The following USP24 variants were observed in gnomAD, a reference collection of about 807,000 sequenced individuals.
USP24 encodes ubiquitin carboxyl-terminal hydrolase 24.
Under a neutral mutation model 361.6 loss-of-function variants are expected in USP24, and 97 were observed. That is an observed-to-expected ratio of 0.27 (90% CI 0.23 to 0.32). The LOEUF (loss-of-function observed/expected upper bound fraction) is 0.32. USP24 is among the 10% of genes least tolerant of loss of function. The pLI, the probability that USP24 is intolerant of heterozygous loss-of-function variation, is 1.00. For missense variants in USP24, 2,353 were observed against 3,165.6 expected (o/e 0.74, Z 6.16); for synonymous variants, 1,098 against 1,124.6 (o/e 0.98, Z 0.47).
intron 1 of USP24, among the ~76,000 whole-genome samples, chr1:55,207,631 T>C (rs1430524093): frequency 2.0e-5 from 3 of 152,206 alleles, no homozygotes; most frequent in Non-Finnish European, 4.4e-5. Context: ...ATGAGTAATC[T>C]AGGGATGACT....
chr1:55,107,524 A>G (rs1645809274), intron 39 of USP24, 94 bp from the exon 40 acceptor site: 4 of 1,344,890 alleles, frequency 3.0e-6, no homozygotes. Context: ...TCAAGCCCCA[A>G]TCTTTCACTT....
intron 26 of USP24, among the ~76,000 whole-genome samples, chr1:55,138,260 C>T (rs1395531882): frequency 2.0e-5 from 3 of 152,140 alleles, no homozygotes; most frequent in African/African-American, 4.8e-5. Context: ...ACGTCATTTA[C>T]CCTGTCACTT....
At chr1:55,120,968 A>G (rs1646262852) in intron 37 of USP24, among the ~76,000 whole-genome samples, 2 of 152,332 alleles carry the variant, frequency 1.3e-5, no homozygotes, top group South Asian at 4.1e-4. Flanking sequence ...AAATTATTCT[A>G]CTATTCTACT....
intron 18 of USP24, among the ~76,000 whole-genome samples, chr1:55,147,399 A>G (rs1647058007): frequency 6.6e-6 from 1 of 152,180 alleles, no homozygotes; most frequent in African/African-American, 2.4e-5. Flanking sequence ...AATTGATTTG[A>G]AAAACAAAAC....
At chr1:55,181,809 A>G (rs1434717246) in intron 1 of USP24, among the ~76,000 whole-genome samples, 1 of 152,208 alleles carries the variant, frequency 6.6e-6, no homozygotes, top group African/African-American at 2.4e-5. Context: ...CAAGTCATCA[A>G]TTGAAGCCCT....
At chr1:55,214,440 A>T (rs774970857) in intron 1 of USP24, among the ~76,000 whole-genome samples, 28 of 151,586 alleles carry the variant, frequency 1.8e-4, no homozygotes, top group Non-Finnish European at 2.9e-4. Flanking sequence ...TATATGCTCA[A>T]GTGTCTGTCC....
chr1:55,132,046 C>T (rs2100647528), intron 31 of USP24, among the ~76,000 whole-genome samples: 1 of 152,264 alleles, frequency 6.6e-6, no homozygotes, highest in South Asian at 2.1e-4. Flanking sequence ...CTTGTTTTTT[C>T]AACTCTGTTC....
intron 56 of USP24, among the ~76,000 whole-genome samples, chr1:55,085,401 T>G (rs1388198087): frequency 6.6e-6 from 1 of 152,258 alleles, no homozygotes; most frequent in East Asian, 1.9e-4. Context: ...GAAGCCAATT[T>G]GTTGTGAAAA....
At chr1:55,186,836 T>C (rs1197913845) in intron 1 of USP24, among the ~76,000 whole-genome samples, 1 of 152,146 alleles carries the variant, frequency 6.6e-6, no homozygotes, top group Non-Finnish European at 1.5e-5. Context: ...GTTCTGAAGA[T>C]GGATGGGACT....
intron 12 of USP24, 62 bp downstream of exon 12, chr1:55,156,886 T>C (rs1158674159): frequency 7.3e-6 from 9 of 1,226,052 alleles, no homozygotes; most frequent in Admixed American, 5.3e-5. Context: ...CTCATCACCC[T>C]TTTCGCTCTC....
At chr1:55,114,658 TAATA>T (rs1355790161) in intron 38 of USP24, among the ~76,000 whole-genome samples, 2 of 152,194 alleles carry the variant, frequency 1.3e-5, no homozygotes, top group Non-Finnish European at 2.9e-5. Flanking sequence ...ATTCCCTATT[TAATA>T]AATGTTTTTG....
chr1:55,206,292 T>C (rs140081757), intron 1 of USP24, among the ~76,000 whole-genome samples: 2 of 152,320 alleles, frequency 1.3e-5, no homozygotes, highest in East Asian at 3.9e-4. Context: ...TTAACTGAAA[T>C]GTTTTACTTG....
intron 34 of USP24, among the ~76,000 whole-genome samples, chr1:55,125,118 G>A (rs1025361859): frequency 2.0e-5 from 3 of 148,482 alleles, no homozygotes; most frequent in Non-Finnish European, 3.0e-5. Flanking sequence ...AGAATGCTTT[G>A]TCTTGTAGTT....
At chr1:55,141,290 A>G (rs1646881784) in intron 24 of USP24, among the ~76,000 whole-genome samples, 1 of 152,180 alleles carries the variant, frequency 6.6e-6, no homozygotes, top group African/African-American at 2.4e-5. Context: ...ATTGCATTCT[A>G]AACAGTAAGT....
intron 67 of USP24, 151 bp downstream of exon 67, chr1:55,071,663 T>C (rs1644921339): frequency 1.9e-6 from 2 of 1,045,376 alleles, no homozygotes; most frequent in Non-Finnish European, 2.8e-6. Context: ...GTGCATATGC[T>C]GAGCTGAGAT....
Position 55,075,659 on chromosome 1 carries a change from A to ACAG in USP24, c.7381-137_7381-136insCTG, listed in dbSNP as rs1645012350. ...AACAACAACAACAACAACAACAACA[A>ACAG]CAACAACACCACCACCACCAATACA... On this transcript the variant is annotated intron_variant, in intron 62 of 67. Transcript: ENST00000294383. The ACAG allele has an allele frequency of 1.2e-5, 6 of 503,926 alleles. No homozygotes were observed. The Admixed American group carries it at 3.1e-4, about 26-fold the overall frequency. 31.2% of individuals were successfully genotyped at this position (503,926 alleles called of 1,614,324 possible).
intron 2 of USP24, among the ~76,000 whole-genome samples, chr1:55,177,193 A>G (rs1264775482): frequency 6.6e-6 from 1 of 152,194 alleles, no homozygotes; most frequent in Non-Finnish European, 1.5e-5. Context: ...AAACAAACCA[A>G]TGAACTCCAT....
At chr1:55,069,435 C>T (rs774385199) in intron 67 of USP24, among the ~76,000 whole-genome samples, 1 of 152,230 alleles carries the variant, frequency 6.6e-6, no homozygotes, top group Non-Finnish European at 1.5e-5. Flanking sequence ...TCACGTTGGG[C>T]ACTGTGTGAG....
At chr1:55,177,340 A>G (rs951670032) in intron 2 of USP24, among the ~76,000 whole-genome samples, 1 of 152,116 alleles carries the variant, frequency 6.6e-6, no homozygotes, top group African/African-American at 2.4e-5. Context: ...TTTGCTTATC[A>G]TTGGGAATAC....
Sources: gnomAD v4.1 joint callset for allele counts (sites outside exome capture counted in the v4.1 genomes callset) on GRCh38, gnomAD v4.1.1 for gene constraint, MANE v1.5 for transcripts, NCBI Gene and HGNC (gene_info 2026-07-23, HGNC 2026-07-21) for gene names.